The following RIPOR2 variants were observed in gnomAD, a reference collection of about 807,000 sequenced individuals.
RIPOR2 encodes rho family-interacting cell polarization regulator 2.
RIPOR2 carries 39 observed loss-of-function variants against 114.5 expected under a neutral mutation model. The ratio of observed to expected loss-of-function variants is 0.34; its 90% confidence interval spans 0.26 to 0.44. The LOEUF (loss-of-function observed/expected upper bound fraction) is 0.44. Among genes scored for constraint, RIPOR2 ranks in the 20% least tolerant of loss-of-function variants. RIPOR2 has a pLI of 1.00. For synonymous variants in RIPOR2, 445 were observed against 484.4 expected, an observed-to-expected ratio of 0.92 and a Z score of 1.07; for missense variants, 1,007 against 1,255.1, an observed-to-expected ratio of 0.80 and a Z score of 2.99.
At chr6:24,884,019 G>C (rs1260672851) in intron 1 of RIPOR2, among the ~76,000 whole-genome samples, 1 of 152,156 alleles carries the variant, frequency 6.6e-6, no homozygotes, top group African/African-American at 2.4e-5. Flanking sequence ...TTATTATATG[G>C]TTACAAGGTA....
intron 1 of RIPOR2, among the ~76,000 whole-genome samples, chr6:25,006,640 G>A (rs985153484): frequency 1.3e-5 from 2 of 152,158 alleles, no homozygotes; most frequent in Non-Finnish European, 2.9e-5. Context: ...TGAGCTGGGA[G>A]GTGGCTCTGT....
At chr6:24,955,698 C>A (rs1216383800) in intron 1 of RIPOR2, among the ~76,000 whole-genome samples, 17 of 134,898 alleles carry the variant, frequency 1.3e-4, no homozygotes, top group Admixed American at 2.2e-4. Flanking sequence ...GCTGCTCCTT[C>A]AAAAAAAAAA....
At position 24,876,032 on chromosome 6, in the gene RIPOR2, T is replaced by C. The variant is rs3792988; in HGVS notation, c.62-215A>G. 0.12 allele frequency among the ~76,000 whole-genome samples: 18,806 copies of C among 152,194 alleles called. 1,290 individuals are homozygous for C. Among genetic ancestry groups the C allele is most frequent in the South Asian group, 0.16 (789 of 4,812 alleles). Reference sequence around the variant, plus strand: ...ATGGCCAGGTGCGGTGGCTCACACCTGTAATCCCAGCACTTTGGGAGGCCG... The same window carrying C: ...ATGGCCAGGTGCGGTGGCTCACACCCGTAATCCCAGCACTTTGGGAGGCCG... On this transcript the variant is annotated intron_variant, in intron 1 of 21. Transcript: ENST00000643898.
At chr6:24,938,831 A>G (rs6917505), upstream of RIPOR2, among the ~76,000 whole-genome samples, 6,439 of 152,306 alleles carry the variant, frequency 0.042, 454 homozygotes, top group African/African-American at 0.14. Flanking sequence ...TCCAAAGTTT[A>G]CAATTACCTT....
intron 1 of RIPOR2, among the ~76,000 whole-genome samples, chr6:24,943,830 C>T (rs1772268745): frequency 6.6e-6 from 1 of 152,170 alleles, no homozygotes; most frequent in African/African-American, 2.4e-5. Context: ...TCCCCCAAAA[C>T]TGTCACTATT....
chr6:25,017,360 G>A (rs1212240471), intron 1 of RIPOR2, among the ~76,000 whole-genome samples: 4 of 152,088 alleles, frequency 2.6e-5, no homozygotes, highest in Non-Finnish European at 4.4e-5. Context: ...GCAAAAGCTC[G>A]GTTGTTTGCC....
At chr6:24,909,406 A>G (rs1769323751) in intron 1 of RIPOR2, among the ~76,000 whole-genome samples, 2 of 152,048 alleles carry the variant, frequency 1.3e-5, no homozygotes, top group African/African-American at 4.8e-5. Context: ...AATTTGAGGA[A>G]AGTAGATGGT....
At chr6:24,952,322 G>T (rs371820218) in intron 1 of RIPOR2, among the ~76,000 whole-genome samples, 2 of 152,124 alleles carry the variant, frequency 1.3e-5, no homozygotes, top group East Asian at 1.9e-4. Flanking sequence ...CATCCAGCCA[G>T]TCAGACAGCA....
rs1761867729 is a variant in RIPOR2 at position 24,842,973 on chromosome 6, G to T, written c.1746C>A (p.Ser582Arg). 6.4e-7 allele frequency: 1 copy of T among 1,551,242 alleles called. No homozygotes were observed. The highest frequency in any genetic ancestry group is 1.2e-5 in the South Asian group (1 of 80,976). Residue 582 changes from serine (S) to arginine (R), a missense_variant, in exon 13 of 22, where the codon AGC (serine) becomes AGA (arginine). Ser to Arg is a moderately radical substitution (Grantham distance 110). Coordinates refer to ENST00000643898, the MANE Select transcript of RIPOR2 (RefSeq NM_001286445.3). ...AAAGCCCATTAAAAGCATCCTCTAA[G>T]CTTCCATCTAGAAAGGATCTGCAGC... ...SEGCRSFLDGSLEDAFNGLLL... is the reference protein window; with the variant it reads ...SEGCRSFLDGRLEDAFNGLLL...
At chr6:24,868,182 A>G (rs1000296885) in intron 6 of RIPOR2, among the ~76,000 whole-genome samples, 3 of 152,222 alleles carry the variant, frequency 2.0e-5, no homozygotes, top group Non-Finnish European at 4.4e-5. Context: ...CATACAAATC[A>G]TCCTAGAATT....
At chr6:24,946,947 G>A (rs1348195785) in intron 1 of RIPOR2, among the ~76,000 whole-genome samples, 2 of 152,126 alleles carry the variant, frequency 1.3e-5, no homozygotes, top group Non-Finnish European at 2.9e-5. Context: ...ATGTGTTTCA[G>A]TGACCTCTGA....
chr6:24,807,661 C>T (rs577605226), intron 21 of RIPOR2, among the ~76,000 whole-genome samples: 2 of 152,110 alleles, frequency 1.3e-5, no homozygotes, highest in East Asian at 3.8e-4. Context: ...GGTGAACAGC[C>T]CAACAGCCAT....
intron 15 of RIPOR2, 58 bp from the exon 16 acceptor site, chr6:24,832,449 T>C (rs1029880140): frequency 1.6e-5 from 24 of 1,483,220 alleles, no homozygotes; most frequent in South Asian, 7.3e-5. Context: ...GAGCTTTCTC[T>C]ACCCAGCCTC....
At chr6:24,930,399 T>C (rs1771291975) in intron 1 of RIPOR2, among the ~76,000 whole-genome samples, 1 of 152,182 alleles carries the variant, frequency 6.6e-6, no homozygotes, top group African/African-American at 2.4e-5. Flanking sequence ...ATCTAAAATG[T>C]TTTACTTGTA....
chr6:24,992,662 A>G (rs1357035116), intron 1 of RIPOR2, among the ~76,000 whole-genome samples: 1 of 152,214 alleles, frequency 6.6e-6, no homozygotes, highest in Admixed American at 6.5e-5. Context: ...TACATATTCA[A>G]TGCTATTCCT....
intron 1 of RIPOR2, among the ~76,000 whole-genome samples, chr6:24,924,172 T>A (rs1470010445): frequency 6.6e-6 from 1 of 152,162 alleles, no homozygotes; most frequent in Non-Finnish European, 1.5e-5. Flanking sequence ...TCTCCTAACG[T>A]AAGGTAATGC....
At chr6:24,975,107 A>T (rs1773981961) in intron 1 of RIPOR2, among the ~76,000 whole-genome samples, 1 of 152,242 alleles carries the variant, frequency 6.6e-6, no homozygotes, top group South Asian at 2.1e-4. Context: ...ACTAAAAGCC[A>T]TTGAATTATA....
chr6:24,924,576 A>G (rs1298150254), intron 1 of RIPOR2, among the ~76,000 whole-genome samples: 1 of 151,976 alleles, frequency 6.6e-6, no homozygotes, highest in Non-Finnish European at 1.5e-5. Flanking sequence ...TTAGCCACCA[A>G]TTTTTCATCA....
intron 9 of RIPOR2, 39 bp from the exon 10 acceptor site, chr6:24,850,761 C>T: frequency 3.7e-6 from 6 of 1,610,754 alleles, no homozygotes; most frequent in Non-Finnish European, 5.1e-6. Flanking sequence ...TGTCTTGCCA[C>T]CCCCTCTTCT....
Sources: gnomAD v4.1 joint callset for allele counts (sites outside exome capture counted in the v4.1 genomes callset) on GRCh38, gnomAD v4.1.1 for gene constraint, MANE v1.5 for transcripts, NCBI Gene and HGNC (gene_info 2026-07-23, HGNC 2026-07-21) for gene names.